The following ADAMTS16 variants were observed in gnomAD, a reference collection of about 807,000 sequenced individuals.
The protein encoded by ADAMTS16 is A disintegrin and metalloproteinase with thrombospondin motifs 16.
Under a neutral mutation model 145.8 loss-of-function variants are expected in ADAMTS16, and 94 were observed. That is an observed-to-expected ratio of 0.64 (90% confidence interval 0.55 to 0.77). ADAMTS16 has a LOEUF of 0.77. Ranked by LOEUF, ADAMTS16 falls within the 30% of genes least tolerant of loss-of-function variation. The probability of loss-of-function intolerance (pLI) is 0.00; values close to 1 mark genes in which losing one functional copy is unlikely to be tolerated. For missense variants in ADAMTS16, 1,585 were observed against 1,591.5 expected (o/e 1.00, Z 0.07); for synonymous variants, 659 against 604.3 (o/e 1.09, Z -1.33).
intron 3 of ADAMTS16, chr5:5,176,327 T>A (rs1735195048): frequency 6.6e-6 from 1 of 152,322 alleles, no homozygotes; most frequent in Admixed American, 6.5e-5. Flanking sequence ...TATTTACCCC[T>A]GACAGAGGAT....
chr5:5,233,774 G>T (rs73037140), intron 12 of ADAMTS16, among the ~76,000 whole-genome samples: 1 of 152,100 alleles, frequency 6.6e-6, no homozygotes. Flanking sequence ...CCATGTCTTC[G>T]CTATTGTGAA....
chr5:5,176,606 A>G (rs938534088), intron 3 of ADAMTS16, among the ~76,000 whole-genome samples: 2 of 152,218 alleles, frequency 1.3e-5, no homozygotes, highest in African/African-American at 2.4e-5. Context: ...ATTTTAACGT[A>G]CAAAAAAAAT....
intron 10 of ADAMTS16, among the ~76,000 whole-genome samples, chr5:5,215,868 GTGTATATATATA>G (rs1269246106): frequency 2.0e-5 from 1 of 51,086 alleles, no homozygotes; most frequent in East Asian, 5.4e-4. Flanking sequence ...TGGTGTGTAT[GTGTATATATATA>G]TATATATATA....
chr5:5,318,709 G>A (rs1734155248), intron 22 of ADAMTS16, among the ~76,000 whole-genome samples: 1 of 152,152 alleles, frequency 6.6e-6, no homozygotes, highest in Admixed American at 6.5e-5. Flanking sequence ...GTGGCTTGAG[G>A]AAGGCGAGTG....
At chr5:5,170,144 G>A (rs763288815) in intron 3 of ADAMTS16, among the ~76,000 whole-genome samples, 1 of 152,130 alleles carries the variant, frequency 6.6e-6, no homozygotes, top group Non-Finnish European at 1.5e-5. Flanking sequence ...CAGAGTGGGT[G>A]TACTAATTTA....
At position 5,215,891 on chromosome 5, in the gene ADAMTS16, TATA is replaced by T. The variant is rs1560952851; in HGVS notation, c.1605+6646_1605+6648del. ...ATGTGTATATATATATATATATATATATATATATATATATATATATATATCACA... is the reference window on the plus strand; with the variant it reads ...ATGTGTATATATATATATATATATATTATATATATATATATATATATCACA... On this transcript the variant is annotated intron_variant, in intron 10 of 22. Transcript: ENST00000274181. Among the ~76,000 whole-genome samples, 163 of 94,122 alleles carry T rather than the reference TATA, an allele frequency of 1.7e-3. 2 individuals carry two copies. The highest frequency in any genetic ancestry group is 5.2e-3 in the African/African-American group (157 of 30,044). 61.7% of individuals were successfully genotyped at this position (94,122 alleles called of 152,430 possible).
intron 3 of ADAMTS16, among the ~76,000 whole-genome samples, chr5:5,170,335 C>T (rs1735011344): frequency 6.6e-6 from 1 of 151,820 alleles, no homozygotes; most frequent in African/African-American, 2.4e-5. Context: ...TCTCGAGAAA[C>T]GTCTATTCAT....
intron 3 of ADAMTS16, among the ~76,000 whole-genome samples, chr5:5,162,212 C>A (rs956714): frequency 6.6e-6 from 1 of 152,040 alleles, no homozygotes; most frequent in Non-Finnish European, 1.5e-5. Context: ...CTACTGTATG[C>A]CAGGCATTTA....
At chr5:5,282,331 T>C (rs754249951) in intron 18 of ADAMTS16, among the ~76,000 whole-genome samples, 2 of 152,228 alleles carry the variant, frequency 1.3e-5, no homozygotes, top group Non-Finnish European at 2.9e-5. Context: ...AACATTTTGA[T>C]TACTTTGAAT....
In ADAMTS16 at chr5:5,319,322, T is replaced by G. The variant is rs1194392154; in HGVS notation, c.*184T>G. The G allele has an allele frequency of 1.7e-6, 1 of 584,112 alleles. No homozygotes were observed. Among genetic ancestry groups the G allele is most frequent in the Non-Finnish European group, 3.1e-6 (1 of 324,336 alleles). 36.2% of individuals were successfully genotyped at this position (584,112 alleles called of 1,614,324 possible). ...CACTGTGAGCCTGGGTGCAGACCTG[T>G]GTCCCCATGCACACAGTGTCTCCTG... is the stretch of plus-strand genomic sequence containing the variant. On this transcript the variant is annotated 3_prime_UTR_variant, in exon 23 of 23. Coordinates refer to ENST00000274181, the MANE Select transcript of ADAMTS16 (RefSeq NM_139056.4).
At position 5,318,117 on chromosome 5, in the gene ADAMTS16, G is replaced by T; in HGVS notation, c.3412-17G>T. On this transcript the variant is annotated splice_polypyrimidine_tract_variant and intron_variant, in intron 21 of 22. Transcript: ENST00000274181. ...AGAGCCTGGGGCCATGGTGACATGT[G>T]TGTGTTGCTCTCACAGTGCACGGCC... The T allele has an allele frequency of 1.4e-6, 2 of 1,405,670 alleles. No homozygotes were observed. Among genetic ancestry groups the T allele is most frequent in the Non-Finnish European group, 1.9e-6 (2 of 1,069,402 alleles). 87.1% of individuals were successfully genotyped at this position (1,405,670 alleles called of 1,614,324 possible). A position where few individuals can be genotyped will look rare whatever the true frequency, so the allele number is the denominator to read the frequency against.
Position 5,310,344 on chromosome 5 carries a change from C to T in ADAMTS16, c.3411+3616C>T, listed in dbSNP as rs554061497. Among the ~76,000 whole-genome samples, 3 of 152,318 alleles carry T rather than the reference C, an allele frequency of 2.0e-5. No homozygotes were observed. Among genetic ancestry groups the T allele is most frequent in the Admixed American group, 1.3e-4 (2 of 15,310 alleles). ...TTCCAGCCCGCCACTGGTCATCTCT[C>T]CTCTGGAGAGGGACCCCACACTGTG... On this transcript the variant is annotated intron_variant, in intron 21 of 22. Transcript: ENST00000274181. The surrounding 1 kb of genome is among the most constrained non-coding windows in gnomAD (Gnocchi z 4.3).
intron 17 of ADAMTS16, among the ~76,000 whole-genome samples, chr5:5,243,046 T>C (rs572573704): frequency 6.6e-6 from 1 of 152,244 alleles, no homozygotes; most frequent in Admixed American, 6.5e-5. Flanking sequence ...TGGCATAAAG[T>C]TAAGAAGGTA....
At chr5:5,306,822 TC>T (rs1740185918) in intron 21 of ADAMTS16, 94 bp downstream of exon 21, 3 of 1,271,274 alleles carry the variant, frequency 2.4e-6, no homozygotes, top group Non-Finnish European at 3.2e-6. Flanking sequence ...GAGGGTGTTT[TC>T]CCCAAAGCTG....
intron 9 of ADAMTS16, among the ~76,000 whole-genome samples, chr5:5,206,425 CAA>C (rs1173829992): frequency 1.0e-4 from 4 of 39,436 alleles, no homozygotes; most frequent in Non-Finnish European, 1.2e-4. Context: ...GACTCCGTCT[CAA>C]AAAAAAAAAA....
At chr5:5,291,286 A>G (rs1378406068) in intron 18 of ADAMTS16, among the ~76,000 whole-genome samples, 1 of 152,120 alleles carries the variant, frequency 6.6e-6, no homozygotes, top group Non-Finnish European at 1.5e-5. Flanking sequence ...CTGCTATAGG[A>G]AAACATGGCT....
chr5:5,190,476 A>G (rs6887117), intron 7 of ADAMTS16, among the ~76,000 whole-genome samples: 6,325 of 152,122 alleles, frequency 0.042, 418 homozygotes, highest in African/African-American at 0.15. Flanking sequence ...TACATTGATG[A>G]GTATCTGTGG....
intron 3 of ADAMTS16, among the ~76,000 whole-genome samples, chr5:5,175,303 G>A (rs1409540092): frequency 6.6e-6 from 1 of 152,144 alleles, no homozygotes; most frequent in Non-Finnish European, 1.5e-5. Flanking sequence ...AATGTCATCT[G>A]GGAGCTAGGT....
chr5:5,294,580 C>T (rs990357544), intron 18 of ADAMTS16, among the ~76,000 whole-genome samples: 1 of 152,222 alleles, frequency 6.6e-6, no homozygotes, highest in Admixed American at 6.5e-5. Context: ...GTTTATCTCA[C>T]CTAAATATGC....
Sources: gnomAD v4.1 joint callset for allele counts (sites outside exome capture counted in the v4.1 genomes callset) on GRCh38, gnomAD v4.1.1 for gene constraint, Gnocchi (gnomAD v3.1) non-coding constraint, MANE v1.5 for transcripts, NCBI Gene and HGNC (gene_info 2026-07-23, HGNC 2026-07-21) for gene names.